The following GLYR1 variants were observed in gnomAD, a reference collection of about 807,000 sequenced individuals.
GLYR1 encodes cytokine-like nuclear factor N-PAC.
GLYR1 carries 21 observed loss-of-function variants against 72.7 expected under a neutral mutation model. That is an observed-to-expected ratio of 0.29 (90% CI 0.20 to 0.42). The LOEUF (loss-of-function observed/expected upper bound fraction) is 0.42, where lower values mean the gene tolerates loss of function less well. Among genes scored for constraint, GLYR1 ranks in the 10% least tolerant of loss-of-function variants. GLYR1 has a pLI of 1.00. For missense variants in GLYR1, 594 were observed against 712.1 expected, an observed-to-expected ratio of 0.83 and a Z score of 1.89; for synonymous variants, 392 against 270.2, an observed-to-expected ratio of 1.45 and a Z score of -4.42.
chr16:4,807,391 G>A (rs1473586692), intron 15 of GLYR1, among the ~76,000 whole-genome samples: 2 of 152,094 alleles, frequency 1.3e-5, no homozygotes, highest in South Asian at 2.1e-4. Context: ...GAGATTATAG[G>A]TGTCAGCCAC....
rs917010620 is a variant in GLYR1, at chr16:4,803,676, G to A, written c.*1560C>T. Reference sequence around the variant, plus strand: ...AATGAACTGTGCTAAAAACCCGACAGGCATCTTCCCTGCCCTCCCCCCACT... The same window carrying A: ...AATGAACTGTGCTAAAAACCCGACAAGCATCTTCCCTGCCCTCCCCCCACT... On this transcript the variant is annotated 3_prime_UTR_variant, in exon 16 of 16. Transcript: ENST00000321919. 1 of 149,712 alleles carries A rather than the reference G, an allele frequency of 6.7e-6. No individual in the cohort carries two copies. Among genetic ancestry groups the A allele is most frequent in the South Asian group, 2.1e-4 (1 of 4,740 alleles). 9.3% of individuals were successfully genotyped at this position (149,712 alleles called of 1,614,324 possible).
intron 15 of GLYR1, among the ~76,000 whole-genome samples, chr16:4,809,071 A>C (rs929019962): frequency 1.3e-5 from 2 of 152,144 alleles, no homozygotes; most frequent in Non-Finnish European, 2.9e-5. Flanking sequence ...AAAAATCCAA[A>C]CCCCAATTAC....
At chr16:4,831,609 C>T (rs534919623) in intron 5 of GLYR1, among the ~76,000 whole-genome samples, 17 of 152,364 alleles carry the variant, frequency 1.1e-4, no homozygotes, top group Admixed American at 2.0e-4. Context: ...TCTCCTGCCT[C>T]GCGCTCCTAC....
chr16:4,836,822 A>C lies in GLYR1; in HGVS notation c.156-3910T>G, dbSNP rs1046440105. Among the ~76,000 whole-genome samples, 27 of 151,706 alleles carry C rather than the reference A, an allele frequency of 1.8e-4. 1 individual carries two copies. The highest frequency in any genetic ancestry group is 1.1e-3 in the Admixed American group (17 of 15,252). ...AACACATATTATATTGGAAAAAAAA[A>C]AAAAAAACAAAACAAATCAATACTA... On this transcript the variant is annotated intron_variant, in intron 3 of 15. Coordinates refer to ENST00000321919, the MANE Select transcript of GLYR1 (RefSeq NM_032569.4).
In GLYR1 at chr16:4,822,941, G is replaced by A. The variant is rs754470195; in HGVS notation, c.625-10C>T. ...CTGCATCTTTAACAGGCTGAAACCA[G>A]AAAACAGTGAAATAAAACCAGTTAT... On this transcript the variant is annotated splice_polypyrimidine_tract_variant and intron_variant, in intron 6 of 15. Coordinates refer to ENST00000321919, the MANE Select transcript of GLYR1 (RefSeq NM_032569.4). The A allele has an allele frequency of 6.2e-7, 1 of 1,613,282 alleles. No individual in the cohort carries two copies. The highest frequency in any genetic ancestry group is 8.5e-7 in the Non-Finnish European group (1 of 1,179,198).
intron 6 of GLYR1, 35 bp from the exon 7 acceptor site, chr16:4,822,966 T>C (rs758511934): frequency 2.5e-6 from 4 of 1,589,130 alleles, no homozygotes; most frequent in African/African-American, 1.3e-5. Flanking sequence ...AAACCAGTTA[T>C]CTGCCACCAA....
At chr16:4,822,777 C>T in intron 7 of GLYR1, 98 bp downstream of exon 7, 1 of 999,838 alleles carries the variant, frequency 1.0e-6, no homozygotes, top group East Asian at 2.4e-5. Context: ...AATACACCGG[C>T]AGAGCCTAAC....
At chr16:4,812,743 G>A (rs967618459) in intron 12 of GLYR1, among the ~76,000 whole-genome samples, 8 of 151,570 alleles carry the variant, frequency 5.3e-5, no homozygotes, top group African/African-American at 7.3e-5. Context: ...CGCCCGCCTC[G>A]GCCTCCCAAA....
intron 10 of GLYR1, among the ~76,000 whole-genome samples, chr16:4,815,548 A>C (rs2083583147): frequency 6.7e-6 from 1 of 148,904 alleles, no homozygotes; most frequent in African/African-American, 2.6e-5. Context: ...AAACTTCTCT[A>C]TGTTTTAAAT....
Position 4,832,171 on chromosome 16 carries a change from C to T in GLYR1, c.345G>A (p.Glu115=). Reference sequence around the variant, plus strand: ...CACCTGAGTTTGGCCTACTTCTCTCCTCACTGGAATTACGTCGATTCTTGT... The same window carrying T: ...CACCTGAGTTTGGCCTACTTCTCTCTTCACTGGAATTACGTCGATTCTTGT... ...SDDKNRRNSS[E]ERSRPNSGDE... is the part of the protein sequence containing the mutation. Residue 115 remains glutamate, a synonymous_variant, in exon 5 of 16, where the codon GAG becomes GAA. Coordinates refer to ENST00000321919, the MANE Select transcript of GLYR1 (RefSeq NM_032569.4). 1.2e-6 allele frequency: 2 copies of T among 1,614,164 alleles called. No individual in the cohort carries two copies. Among genetic ancestry groups the T allele is most frequent in the Non-Finnish European group, 8.5e-7 (1 of 1,180,016 alleles).
intron 11 of GLYR1, 97 bp downstream of exon 11, chr16:4,814,440 T>G: frequency 1.1e-6 from 1 of 889,260 alleles, no homozygotes; most frequent in Admixed American, 1.7e-5. Context: ...CCCCCACATG[T>G]GGACACTCAC....
intron 5 of GLYR1, among the ~76,000 whole-genome samples, chr16:4,827,827 G>C (rs976653485): frequency 1.3e-4 from 19 of 151,970 alleles, no homozygotes; most frequent in Non-Finnish European, 2.2e-4. Context: ...ATTAACCCAG[G>C]AGGCGGAGCT....
intron 3 of GLYR1, among the ~76,000 whole-genome samples, chr16:4,841,274 G>A (rs1206229041): frequency 3.3e-5 from 5 of 151,738 alleles, no homozygotes. Flanking sequence ...CCTATTTCTA[G>A]CACTTGTTAT....
intron 7 of GLYR1, among the ~76,000 whole-genome samples, chr16:4,822,100 C>G (rs1436167845): frequency 2.0e-5 from 2 of 98,826 alleles, no homozygotes; most frequent in Non-Finnish European, 4.4e-5. Flanking sequence ...TTTAAATGCT[C>G]TTCTGAGATA....
chr16:4,824,500 A>G (rs1456830701), intron 5 of GLYR1, among the ~76,000 whole-genome samples: 7 of 147,902 alleles, frequency 4.7e-5, no homozygotes, highest in Admixed American at 6.8e-5. Context: ...CTCCATCTCA[A>G]AAAAAAAAAA....
At chr16:4,829,742 G>A (rs987318396) in intron 5 of GLYR1, among the ~76,000 whole-genome samples, 2 of 151,824 alleles carry the variant, frequency 1.3e-5, no homozygotes, top group African/African-American at 4.8e-5. Flanking sequence ...GCGCAATCTC[G>A]GCTCACTGCA....
intron 12 of GLYR1, among the ~76,000 whole-genome samples, chr16:4,812,954 G>A (rs2083411060): frequency 6.7e-6 from 1 of 149,884 alleles, no homozygotes; most frequent in Non-Finnish European, 1.5e-5. Flanking sequence ...CCGCCACCAT[G>A]CCTGGCTAAT....
chr16:4,846,315 C>T (rs2086054010), intron 1 of GLYR1, 105 bp from the exon 2 acceptor site: 1 of 1,278,196 alleles, frequency 7.8e-7, no homozygotes, highest in African/African-American at 1.5e-5. Flanking sequence ...CTGGCATCCT[C>T]AAATGCCGAA....
At chr16:4,807,507 T>C (rs2083060462) in intron 15 of GLYR1, among the ~76,000 whole-genome samples, 2 of 152,268 alleles carry the variant, frequency 1.3e-5, no homozygotes, top group South Asian at 4.1e-4. Flanking sequence ...CAGCCCCAAA[T>C]TGAACCACAT....
Sources: gnomAD v4.1 joint callset for allele counts (sites outside exome capture counted in the v4.1 genomes callset) on GRCh38, gnomAD v4.1.1 for gene constraint, MANE v1.5 for transcripts, NCBI Gene and HGNC (gene_info 2026-07-23, HGNC 2026-07-21) for gene names.